STXBP5: variants seen among roughly 807,000 people sequenced by gnomAD.
STXBP5 encodes the protein syntaxin-binding protein 5.
STXBP5 carries 50 observed loss-of-function variants against 152.4 expected under a neutral mutation model. The observed-to-expected ratio is 0.33, with a 90% CI of 0.26 to 0.42. STXBP5 has a LOEUF of 0.42. Ranked by LOEUF, STXBP5 falls within the 10% of genes least tolerant of loss-of-function variation. The pLI, the probability that STXBP5 is intolerant of heterozygous loss-of-function variation, is 1.00. For missense variants in STXBP5, 1,167 were observed against 1,388.6 expected, an observed-to-expected ratio of 0.84 and a Z score of 2.54; for synonymous variants, 492 against 494.7, an observed-to-expected ratio of 0.99 and a Z score of 0.07.
intron 23 of STXBP5, among the ~76,000 whole-genome samples, chr6:147,362,315 T>A (rs1785104861): frequency 6.6e-6 from 1 of 152,168 alleles, no homozygotes; most frequent in South Asian, 2.1e-4. Flanking sequence ...CTATAAAACC[T>A]TATATAAATT....
At chr6:147,272,705 A>C (rs988445331) in intron 7 of STXBP5, among the ~76,000 whole-genome samples, 1 of 152,164 alleles carries the variant, frequency 6.6e-6, no homozygotes, top group African/African-American at 2.4e-5. Context: ...ACAGGCACAA[A>C]TGTATTAAAT....
chr6:147,259,307 A>AG (rs892860604), intron 4 of STXBP5, among the ~76,000 whole-genome samples: 7 of 152,180 alleles, frequency 4.6e-5, no homozygotes, highest in African/African-American at 1.7e-4. Flanking sequence ...AGGAAAAAAA[A>AG]TCTTAGGATG....
intron 2 of STXBP5, among the ~76,000 whole-genome samples, chr6:147,224,800 A>G (rs928250164): frequency 6.6e-6 from 1 of 152,206 alleles, no homozygotes; most frequent in Non-Finnish European, 1.5e-5. Flanking sequence ...AATAAAGGAC[A>G]GTATTGGTCC....
intron 2 of STXBP5, among the ~76,000 whole-genome samples, chr6:147,212,099 C>G (rs1776887929): frequency 1.3e-5 from 2 of 152,196 alleles, no homozygotes; most frequent in Non-Finnish European, 2.9e-5. Flanking sequence ...TGATTCTTAG[C>G]ATGGACTACC....
intron 25 of STXBP5, 86 bp downstream of exon 25, chr6:147,364,252 G>A: frequency 8.0e-7 from 1 of 1,255,282 alleles, no homozygotes. Context: ...TATTCTCATG[G>A]AACTATACAA....
At chr6:147,367,995 C>G (rs1467203722) in intron 25 of STXBP5, among the ~76,000 whole-genome samples, 1 of 152,028 alleles carries the variant, frequency 6.6e-6, no homozygotes, top group African/African-American at 2.4e-5. Flanking sequence ...AGTCCTGTGT[C>G]TATTAAAGAA....
chr6:147,275,607 G>C (rs561360789), intron 7 of STXBP5, among the ~76,000 whole-genome samples: 1 of 133,992 alleles, frequency 7.5e-6, no homozygotes, highest in East Asian at 2.2e-4. Context: ...GCCCAGGCTG[G>C]AGTGCAGTGG....
At chr6:147,324,264 G>GTTTTTT (rs1179573055) in intron 16 of STXBP5, among the ~76,000 whole-genome samples, 34 of 57,936 alleles carry the variant, frequency 5.9e-4, no homozygotes, top group South Asian at 1.6e-3. Flanking sequence ...TTTTTTTTTG[G>GTTTTTT]TTTTTTTTTT....
chr6:147,305,854 T>C (rs996333515), intron 9 of STXBP5, among the ~76,000 whole-genome samples: 3 of 152,122 alleles, frequency 2.0e-5, no homozygotes, highest in African/African-American at 4.8e-5. Flanking sequence ...ACCAAACATA[T>C]AGTTATTAAG....
At chr6:147,259,443 T>TA (rs1158768893) in intron 4 of STXBP5, among the ~76,000 whole-genome samples, 1 of 152,184 alleles carries the variant, frequency 6.6e-6, no homozygotes, top group Non-Finnish European at 1.5e-5. Flanking sequence ...ACCATTATCA[T>TA]ATAAAACACT....
chr6:147,255,116 A>G (rs1351489686), intron 4 of STXBP5, among the ~76,000 whole-genome samples: 1 of 152,214 alleles, frequency 6.6e-6, no homozygotes, highest in East Asian at 1.9e-4. Context: ...GCACATATAC[A>G]CCTGGAATAC....
intron 26 of STXBP5, among the ~76,000 whole-genome samples, chr6:147,377,638 A>C (rs1285948618): frequency 6.6e-6 from 1 of 152,054 alleles, no homozygotes; most frequent in African/African-American, 2.4e-5. Flanking sequence ...CTGCATTCTC[A>C]CCTGGGGGAA....
intron 22 of STXBP5, among the ~76,000 whole-genome samples, chr6:147,358,315 A>C (rs928220723): frequency 1.2e-4 from 19 of 152,114 alleles, no homozygotes; most frequent in African/African-American, 4.1e-4. Flanking sequence ...CATTTGTCAC[A>C]CTCTACCAGT....
chr6:147,280,770 A>G (rs775932558), intron 8 of STXBP5, among the ~76,000 whole-genome samples: 2 of 152,196 alleles, frequency 1.3e-5, no homozygotes, highest in South Asian at 2.1e-4. Context: ...GTCACTAGCT[A>G]AAATTATTTT....
chr6:147,332,242 G>T (rs79286413), intron 18 of STXBP5, among the ~76,000 whole-genome samples: 423 of 152,246 alleles, frequency 2.8e-3, no homozygotes, highest in Non-Finnish European at 5.1e-3. Flanking sequence ...ACCATTATAG[G>T]CAGCAAAACA....
intron 6 of STXBP5, among the ~76,000 whole-genome samples, chr6:147,266,583 A>C (rs762476909): frequency 1.5e-4 from 23 of 152,266 alleles, no homozygotes; most frequent in Middle Eastern, 6.8e-3. Context: ...TGCAACAGGG[A>C]ATTCCAGAGA....
intron 4 of STXBP5, among the ~76,000 whole-genome samples, chr6:147,243,381 C>T (rs1582831967): frequency 6.6e-6 from 1 of 152,218 alleles, no homozygotes; most frequent in South Asian, 2.1e-4. Context: ...GTTTCATGTG[C>T]TGCTTTGATG....
intron 8 of STXBP5, among the ~76,000 whole-genome samples, chr6:147,285,479 C>T (rs1030589503): frequency 1.3e-5 from 2 of 148,308 alleles, no homozygotes; most frequent in African/African-American, 4.9e-5. Context: ...ATATGCAGAC[C>T]AAGGATTTGT....
chr6:147,274,243 A>G (rs1347545477), intron 7 of STXBP5, among the ~76,000 whole-genome samples: 1 of 152,132 alleles, frequency 6.6e-6, no homozygotes, highest in Non-Finnish European at 1.5e-5. Context: ...TTCCACTTGG[A>G]TTATGCATTC....
Sources: gnomAD v4.1 joint callset for allele counts (sites outside exome capture counted in the v4.1 genomes callset) on GRCh38, gnomAD v4.1.1 for gene constraint, MANE v1.5 for transcripts, NCBI Gene and HGNC (gene_info 2026-07-23, HGNC 2026-07-21) for gene names.